Variants in NEK10 observed in about 807,000 individuals in gnomAD.
NEK10 encodes NIMA related kinase 10.
NEK10 carries 122 observed loss-of-function variants against 159.8 expected under a neutral mutation model. The observed-to-expected ratio is 0.76, with a 90% confidence interval of 0.66 to 0.89. The LOEUF (loss-of-function observed/expected upper bound fraction) is 0.89, where lower values mean the gene tolerates loss of function less well. NEK10 is among the 40% of genes least tolerant of loss of function. The pLI is 0.00. For synonymous variants in NEK10, 466 were observed against 457.1 expected, an observed-to-expected ratio of 1.02 and a Z score of -0.25; for missense variants, 1,342 against 1,323.1, an observed-to-expected ratio of 1.01 and a Z score of -0.22.
intron 29 of NEK10, among the ~76,000 whole-genome samples, chr3:27,163,965 A>T (rs972523333): frequency 1.3e-5 from 2 of 152,282 alleles, no homozygotes; most frequent in South Asian, 2.1e-4. Context: ...ACCCAACTTA[A>T]GCACTAGAAT....
intron 23 of NEK10, among the ~76,000 whole-genome samples, chr3:27,211,165 C>T (rs767020139): frequency 6.6e-6 from 1 of 152,124 alleles, no homozygotes; most frequent in Non-Finnish European, 1.5e-5. Flanking sequence ...GATCAGTGGA[C>T]ATTGACAGAA....
At chr3:27,305,376 T>C (rs1007268797) in intron 11 of NEK10, among the ~76,000 whole-genome samples, 1 of 152,102 alleles carries the variant, frequency 6.6e-6, no homozygotes, top group African/African-American at 2.4e-5. Flanking sequence ...TGACCAGCAT[T>C]GGCAGGGCGT....
At chr3:27,168,872 T>C (rs1361145285) in intron 29 of NEK10, among the ~76,000 whole-genome samples, 1 of 152,226 alleles carries the variant, frequency 6.6e-6, no homozygotes, top group East Asian at 1.9e-4. Context: ...TAAAGCTTGT[T>C]CTATACCCCT....
In NEK10 at chr3:27,174,765, T is replaced by C. The variant is rs1271329904; in HGVS notation, c.2574A>G (p.Ser858=). The part of the protein sequence containing the change: ...SGAASLKSEL[S]ESADLPPEGF... ...CTTCAGGGGGCAGGTCTGCGCTTTC[T>C]GAAAGTTCACTTTTCAGGCTGGCTG... The change falls in exon 27 of 36, where the codon TCA becomes TCG. Residue 858 remains serine (S), a synonymous_variant. Coordinates refer to ENST00000691995, the MANE Select transcript of NEK10 (RefSeq NM_001394966.1). The C allele has an allele frequency of 6.2e-7, 1 of 1,612,774 alleles. No individual in the cohort carries two copies. The highest frequency in any genetic ancestry group is 8.5e-7 in the Non-Finnish European group (1 of 1,179,528).
At chr3:27,330,513 G>A (rs1243332240) in intron 5 of NEK10, among the ~76,000 whole-genome samples, 1 of 152,198 alleles carries the variant, frequency 6.6e-6, no homozygotes, top group Non-Finnish European at 1.5e-5. Context: ...AGATTAGAAG[G>A]AAATGTAGCA....
intron 4 of NEK10, 52 bp downstream of exon 4, chr3:27,346,034 T>G: frequency 2.5e-6 from 4 of 1,572,888 alleles, no homozygotes; most frequent in Non-Finnish European, 3.5e-6. Flanking sequence ...AATAAAACTG[T>G]GAGCTAAGCA....
chr3:27,261,989 G>T (rs1425497975), intron 22 of NEK10, among the ~76,000 whole-genome samples: 1 of 151,996 alleles, frequency 6.6e-6, no homozygotes, highest in East Asian at 1.9e-4. Flanking sequence ...GGCCTTCTTT[G>T]TCTCTTTTGT....
intron 30 of NEK10, among the ~76,000 whole-genome samples, chr3:27,150,224 T>C (rs914108647): frequency 6.6e-6 from 1 of 152,162 alleles, no homozygotes; most frequent in Non-Finnish European, 1.5e-5. Context: ...CAAGGTAAGA[T>C]CTTCTTATGA....
At chr3:27,146,363 A>G (rs553895658) in intron 30 of NEK10, among the ~76,000 whole-genome samples, 41 of 152,360 alleles carry the variant, frequency 2.7e-4, no homozygotes, top group African/African-American at 8.9e-4. Flanking sequence ...TGATCAAAAT[A>G]TGGTATCAAT....
At chr3:27,213,505 C>G (rs934935980) in intron 23 of NEK10, among the ~76,000 whole-genome samples, 1 of 152,164 alleles carries the variant, frequency 6.6e-6, no homozygotes, top group Non-Finnish European at 1.5e-5. Context: ...ATATATGACT[C>G]CTAGGTTTTA....
chr3:27,247,054 T>G (rs1955147711), intron 23 of NEK10, among the ~76,000 whole-genome samples: 1 of 152,176 alleles, frequency 6.6e-6, no homozygotes, highest in African/African-American at 2.4e-5. Context: ...AAATATAAGA[T>G]CATATCATCT....
chr3:27,124,010 T>G lies in NEK10; in HGVS notation c.3082-4142A>C, dbSNP rs1031373126. 5.9e-5 allele frequency among the ~76,000 whole-genome samples: 9 copies of G among 151,976 alleles called. No individual in the cohort carries two copies. In the East Asian group the frequency reaches 1.7e-3, roughly 29 times the overall value. On this transcript the variant is annotated intron_variant, in intron 32 of 35. Transcript: ENST00000691995. ...ATACTGAGTTCCTTGAAGGATTTTC[T>G]GTGTTGTGTGTGTGTGTGTACAAGT...
intron 5 of NEK10, among the ~76,000 whole-genome samples, chr3:27,343,147 G>C (rs1037715997): frequency 6.6e-6 from 1 of 152,176 alleles, no homozygotes; most frequent in South Asian, 2.1e-4. Flanking sequence ...AGGGATGACA[G>C]ATGCAGTCTC....
intron 1 of NEK10, among the ~76,000 whole-genome samples, chr3:27,367,184 T>C (rs548104233): frequency 7.2e-5 from 11 of 152,316 alleles, no homozygotes; most frequent in African/African-American, 2.4e-4. Context: ...TATGTACATA[T>C]AATCTTTAAA....
intron 12 of NEK10, among the ~76,000 whole-genome samples, chr3:27,302,045 A>G (rs2043866514): frequency 6.6e-6 from 1 of 152,196 alleles, no homozygotes; most frequent in South Asian, 2.1e-4. Context: ...TATTTATTGA[A>G]AAGTGTCCTC....
At chr3:27,229,010 G>C (rs1208923480) in intron 23 of NEK10, among the ~76,000 whole-genome samples, 1 of 152,018 alleles carries the variant, frequency 6.6e-6, no homozygotes, top group Non-Finnish European at 1.5e-5. Context: ...GCTACAACTG[G>C]TTCCTACTCA....
chr3:27,175,413 G>A (rs898386899), intron 26 of NEK10, among the ~76,000 whole-genome samples: 2 of 152,094 alleles, frequency 1.3e-5, no homozygotes, highest in African/African-American at 2.4e-5. Context: ...CCTCCAAAAC[G>A]GATGGATGCA....
intron 23 of NEK10, among the ~76,000 whole-genome samples, chr3:27,212,283 C>T (rs1271085414): frequency 2.0e-5 from 3 of 152,184 alleles, no homozygotes; most frequent in Non-Finnish European, 4.4e-5. Flanking sequence ...ATAGCTAACG[C>T]ATATTTCAAA....
intron 22 of NEK10, among the ~76,000 whole-genome samples, chr3:27,259,380 T>A (rs946343096): frequency 6.6e-6 from 1 of 152,200 alleles, no homozygotes; most frequent in South Asian, 2.1e-4. Flanking sequence ...TAATCCACCT[T>A]GAATTAATTT....
Sources: allele counts gnomAD v4.1 joint callset (sites outside exome capture counted in the v4.1 genomes callset), GRCh38; gene constraint gnomAD v4.1.1; transcripts MANE v1.5; gene names NCBI Gene and HGNC (gene_info 2026-07-23, HGNC 2026-07-21).